The following GCNT2 variants were observed in gnomAD, a reference collection of about 807,000 sequenced individuals.
GCNT2 encodes N-acetyllactosaminide beta-1,6-N-acetylglucosaminyl-transferase.
GCNT2 carries 34 observed loss-of-function variants against 34.2 expected under a neutral mutation model. That is an observed-to-expected ratio of 1.00 (90% CI 0.76 to 1.32). The LOEUF is 1.32. GCNT2 is among the 40% of genes most tolerant of loss of function. The pLI is 0.00. For missense variants in GCNT2, 584 were observed against 489.4 expected (o/e 1.19, Z -1.82); for synonymous variants, 212 against 188.0 (o/e 1.13, Z -1.04).
intron 3 of GCNT2, among the ~76,000 whole-genome samples, chr6:10,577,184 TTG>T (rs1380490271): frequency 6.6e-6 from 1 of 152,248 alleles, no homozygotes; most frequent in African/African-American, 2.4e-5. Flanking sequence ...TGAGGCTTTC[TTG>T]CACATCAAAT....
Position 10,529,141 on chromosome 6 carries a change from A to G in GCNT2, c.230A>G (p.Tyr77Cys), listed in dbSNP as rs369526410. 30 of 1,614,030 alleles carry G rather than the reference A, an allele frequency of 1.9e-5. No homozygotes were observed. The highest frequency in any genetic ancestry group is 2.5e-5 in the Non-Finnish European group (29 of 1,179,964). Reference protein sequence around the residue: ...TTLDEATCYEYMVRSHYVTET... With the variant: ...TTLDEATCYECMVRSHYVTET... ...CTTGATGAAGCTACCTGCTATGAGT[A>G]CATGGTTCGAAGCCACTATGTAACA... The change falls in exon 3 of 5, where the codon TAC (tyrosine) becomes TGC (cysteine). Residue 77 changes from tyrosine (Y) to cysteine (C), a missense_variant. Tyr to Cys is a radical substitution (Grantham distance 194). Coordinates refer to ENST00000495262, the MANE Select transcript of GCNT2 (RefSeq NM_145649.5).
At chr6:10,526,634 CCT>C (rs1227247199) in intron 1 of GCNT2, among the ~76,000 whole-genome samples, 1 of 152,120 alleles carries the variant, frequency 6.6e-6, no homozygotes, top group Non-Finnish European at 1.5e-5. Flanking sequence ...AAACTCCTGG[CCT>C]CGAGCTCCTC....
At chr6:10,564,274 A>G (rs576778336) in intron 3 of GCNT2, among the ~76,000 whole-genome samples, 18 of 152,328 alleles carry the variant, frequency 1.2e-4, no homozygotes, top group Middle Eastern at 3.4e-3. Context: ...TTCCAAAAGC[A>G]GGAAGCAGAG....
At chr6:10,603,203 T>C (rs1765154098) in intron 3 of GCNT2, among the ~76,000 whole-genome samples, 1 of 152,198 alleles carries the variant, frequency 6.6e-6, no homozygotes, top group Admixed American at 6.5e-5. Context: ...CCTCATTTAA[T>C]GTAAGGAAAC....
At chr6:10,603,599 T>TC (rs1014393207) in intron 3 of GCNT2, among the ~76,000 whole-genome samples, 34 of 152,152 alleles carry the variant, frequency 2.2e-4, no homozygotes, top group African/African-American at 7.2e-4. Context: ...CACTGCAACC[T>TC]CCGCCTCCTG....
At chr6:10,521,926 G>C (rs1290373210) in intron 1 of GCNT2, among the ~76,000 whole-genome samples, 1 of 149,514 alleles carries the variant, frequency 6.7e-6, no homozygotes, top group East Asian at 2.0e-4. Context: ...TCCAGACATA[G>C]TCTCACTCTG....
chr6:10,523,788 C>T (rs966264361), intron 1 of GCNT2, among the ~76,000 whole-genome samples: 5 of 151,788 alleles, frequency 3.3e-5, no homozygotes, highest in African/African-American at 9.7e-5. Flanking sequence ...CTGGCTAACA[C>T]GGTGAAACCC....
At chr6:10,535,151 T>G (rs1761699777) in intron 3 of GCNT2, among the ~76,000 whole-genome samples, 1 of 152,130 alleles carries the variant, frequency 6.6e-6, no homozygotes, top group African/African-American at 2.4e-5. Context: ...GCCACTGCAC[T>G]TCAGCCTGGG....
intron 3 of GCNT2, among the ~76,000 whole-genome samples, chr6:10,604,037 A>AG (rs1258851817): frequency 3.3e-5 from 5 of 151,926 alleles, no homozygotes; most frequent in Non-Finnish European, 7.4e-5. Context: ...CTGGGATTAC[A>AG]GGCGCACGCC....
chr6:10,575,130 A>T, intron 3 of GCNT2: 1 of 453,136 alleles, frequency 2.2e-6, no homozygotes, highest in Non-Finnish European at 4.1e-6. Context: ...TTTCTTATAG[A>T]TTCACATATA....
chr6:10,562,139 C>T (rs1384573509), intron 3 of GCNT2, among the ~76,000 whole-genome samples: 1 of 152,078 alleles, frequency 6.6e-6, no homozygotes, highest in Non-Finnish European at 1.5e-5. Flanking sequence ...CCCTTTCTTG[C>T]TAGGTCATCT....
At chr6:10,585,078 T>TGTGTGTGTGCGC (rs1491251655) in intron 3 of GCNT2, among the ~76,000 whole-genome samples, 3 of 87,336 alleles carry the variant, frequency 3.4e-5, no homozygotes, top group East Asian at 4.5e-4. Flanking sequence ...TGTGTGTGTG[T>TGTGTGTGTGCGC]GCGCGCTATA....
intron 3 of GCNT2, among the ~76,000 whole-genome samples, chr6:10,536,578 T>C (rs1258200925): frequency 1.3e-5 from 2 of 151,478 alleles, no homozygotes; most frequent in South Asian, 4.2e-4. Flanking sequence ...ATGGTGTTGA[T>C]CTCTTGACCT....
intron 3 of GCNT2, among the ~76,000 whole-genome samples, chr6:10,587,191 G>C (rs1176027582): frequency 6.6e-6 from 1 of 152,172 alleles, no homozygotes; most frequent in Non-Finnish European, 1.5e-5. Flanking sequence ...ACTTTTCGTA[G>C]TCCTTGATAA....
In GCNT2 at chr6:10,529,095, G is replaced by A. The variant is rs1248074634; in HGVS notation, c.184G>A (p.Glu62Lys). 1 of 1,614,116 alleles carries A rather than the reference G, an allele frequency of 6.2e-7. No homozygotes were observed. Among genetic ancestry groups the A allele is most frequent in the Non-Finnish European group, 8.5e-7 (1 of 1,179,994 alleles). Residue 62 changes from glutamate (E) to lysine (K), a missense_variant, in exon 3 of 5, where the codon GAA becomes AAA. Physicochemically the swap from Glu to Lys is moderately conservative, Grantham distance 56 (BLOSUM62 1). Coordinates refer to ENST00000495262, the MANE Select transcript of GCNT2 (RefSeq NM_145649.5). ...IFEGKVFYPT[E>K]NALKTTLDEA... Reference sequence around the variant, plus strand: ...TGAGGGGAAAGTTTTTTACCCAACAGAAAATGCATTGAAAACTACCCTTGA... The same window carrying A: ...TGAGGGGAAAGTTTTTTACCCAACAAAAAATGCATTGAAAACTACCCTTGA...
At chr6:10,619,675 T>G (rs1423066127) in intron 3 of GCNT2, 1 of 152,104 alleles carries the variant, frequency 6.6e-6, no homozygotes, top group Non-Finnish European at 1.5e-5. Context: ...CTTTTTCTCA[T>G]TAGCATGTGT....
At chr6:10,597,503 G>T (rs146955380) in intron 3 of GCNT2, among the ~76,000 whole-genome samples, 1 of 151,410 alleles carries the variant, frequency 6.6e-6, no homozygotes, top group Non-Finnish European at 1.5e-5. Context: ...ATCTGGAATT[G>T]GTCTGGAGAC....
chr6:10,591,314 G>A (rs567229185), intron 3 of GCNT2, among the ~76,000 whole-genome samples: 85 of 152,290 alleles, frequency 5.6e-4, no homozygotes, highest in African/African-American at 1.9e-3. Flanking sequence ...TGAGAAGATG[G>A]GCAGAACCTA....
At chr6:10,600,468 T>G (rs1561830073) in intron 3 of GCNT2, among the ~76,000 whole-genome samples, 1 of 152,160 alleles carries the variant, frequency 6.6e-6, no homozygotes, top group African/African-American at 2.4e-5. Flanking sequence ...GATAGTGGTA[T>G]AGAGTCACGC....
Sources: gnomAD v4.1 joint callset for allele counts (sites outside exome capture counted in the v4.1 genomes callset) on GRCh38, gnomAD v4.1.1 for gene constraint, MANE v1.5 for transcripts, NCBI Gene and HGNC (gene_info 2026-07-23, HGNC 2026-07-21) for gene names.